INPP5B: variants seen among roughly 807,000 people sequenced by gnomAD.
INPP5B encodes type II inositol 1,4,5-trisphosphate 5-phosphatase.
A neutral mutation model predicts 118.5 loss-of-function variants in INPP5B; 90 were observed. That is an observed-to-expected ratio of 0.76 (90% confidence interval 0.64 to 0.90). The LOEUF (loss-of-function observed/expected upper bound fraction) is 0.90. Among genes scored for constraint, INPP5B ranks in the 40% least tolerant of loss-of-function variants. The pLI, the probability that INPP5B is intolerant of heterozygous loss-of-function variation, is 0.00. For synonymous variants in INPP5B, 385 were observed against 418.9 expected, an observed-to-expected ratio of 0.92 and a Z score of 0.99; for missense variants, 984 against 1,125.6, an observed-to-expected ratio of 0.87 and a Z score of 1.80.
At chr1:37,863,509 A>C (rs1297794728) in intron 23 of INPP5B, among the ~76,000 whole-genome samples, 2 of 150,584 alleles carry the variant, frequency 1.3e-5, no homozygotes, top group East Asian at 4.0e-4. Context: ...GCGAGACTCC[A>C]TCTCTAAAAA....
chr1:37,945,977 A>T (rs1448273982), intron 2 of INPP5B, 127 bp from the exon 3 acceptor site: 1 of 830,966 alleles, frequency 1.2e-6, no homozygotes, highest in Non-Finnish European at 1.9e-6. Context: ...CACTCAAACC[A>T]TGTGCTGAAC....
At chr1:37,885,259 A>G (rs1643455225) in intron 13 of INPP5B, 1 of 158,554 alleles carries the variant, frequency 6.3e-6, no homozygotes, top group African/African-American at 2.4e-5. Context: ...TAAAAAATAC[A>G]AAAAATTAGC....
Position 37,897,063 on chromosome 1 carries a change from T to A in INPP5B, c.533-5609A>T, listed in dbSNP as rs371068944. On this transcript the variant is annotated intron_variant, in intron 7 of 23. Transcript: ENST00000373024. Reference sequence around the variant, plus strand: ...CTGCCCGGCTGCCCCTACTGGGAAGTGAGGAGCCCCTCTGCCCGGCCAGCC... The same window carrying A: ...CTGCCCGGCTGCCCCTACTGGGAAGAGAGGAGCCCCTCTGCCCGGCCAGCC... Among the ~76,000 whole-genome samples the A allele has an allele frequency of 5.1e-4, 72 of 142,030 alleles. No homozygotes were observed. In the East Asian group the frequency reaches 0.015, roughly 29 times the overall value. The allele number at this position is 142,030 out of a possible 152,430, so 93.2% of individuals were successfully genotyped here. A position where few individuals can be genotyped will look rare whatever the true frequency, so the allele number is the denominator to read the frequency against.
At chr1:37,867,723 T>A (rs1642131198) in intron 20 of INPP5B, among the ~76,000 whole-genome samples, 1 of 152,184 alleles carries the variant, frequency 6.6e-6, no homozygotes, top group South Asian at 2.1e-4. Context: ...CTGAAACCTA[T>A]ATAAACAGGT....
intron 16 of INPP5B, among the ~76,000 whole-genome samples, 200 bp from the exon 17 acceptor site, chr1:37,875,916 T>C (rs1642771510): frequency 6.6e-6 from 1 of 152,202 alleles, no homozygotes; most frequent in Non-Finnish European, 1.5e-5. Context: ...GGTACAGGCA[T>C]CTGCTTCCTG....
intron 7 of INPP5B, among the ~76,000 whole-genome samples, chr1:37,899,350 G>C (rs1644243322): frequency 6.6e-6 from 1 of 151,848 alleles, no homozygotes. Flanking sequence ...AATCACCTGA[G>C]GTTGGGAGTT....
At position 37,893,406 on chromosome 1, in the gene INPP5B, C is replaced by T. The variant is rs145292154; in HGVS notation, c.533-1952G>A. Among the ~76,000 whole-genome samples the T allele has an allele frequency of 3.6e-3, 545 of 152,146 alleles. 7 individuals carry two copies. The highest frequency in any genetic ancestry group is 4.1e-3 in the Non-Finnish European group (280 of 67,982). ...AGCCAAATCTCTGTTGCTTATAAACCACTCAGTCTATGGTATTTTGTTATA... is the reference window on the plus strand; with the variant it reads ...AGCCAAATCTCTGTTGCTTATAAACTACTCAGTCTATGGTATTTTGTTATA... On this transcript the variant is annotated intron_variant, in intron 7 of 23. Coordinates refer to ENST00000373024, the MANE Select transcript of INPP5B (RefSeq NM_005540.3).
At chr1:37,906,886 A>G (rs545874485) in intron 7 of INPP5B, among the ~76,000 whole-genome samples, 75 of 151,894 alleles carry the variant, frequency 4.9e-4, no homozygotes, top group Non-Finnish European at 7.2e-4. Context: ...AAGAAAGAAA[A>G]AAAAAACCTA....
At chr1:37,880,900 T>C (rs750658572) in intron 14 of INPP5B, among the ~76,000 whole-genome samples, 2 of 152,126 alleles carry the variant, frequency 1.3e-5, no homozygotes, top group Non-Finnish European at 2.9e-5. Context: ...TATTTAAAAA[T>C]CTTTTAGAGG....
intron 6 of INPP5B, among the ~76,000 whole-genome samples, chr1:37,940,001 G>T (rs1645855275): frequency 1.3e-5 from 2 of 152,092 alleles, no homozygotes; most frequent in South Asian, 2.1e-4. Context: ...GCCCCTGGAG[G>T]CTCAGGCTCC....
rs1487774210 is a variant in INPP5B at position 37,943,624 on chromosome 1, C to T, written c.280+16G>A. 1 of 1,613,830 alleles carries T rather than the reference C, an allele frequency of 6.2e-7. No homozygotes were observed. The highest frequency in any genetic ancestry group is 8.5e-7 in the Non-Finnish European group (1 of 1,179,868). On this transcript the variant is annotated intron_variant, in intron 5 of 23. Coordinates refer to ENST00000373024, the MANE Select transcript of INPP5B (RefSeq NM_005540.3). ...CCCCTGCCCCGAGTGGGACCCAGAC[C>T]AAGAGGACCACTCACCAAGGATGTA...
chr1:37,917,308 T>TCATATATATATATATATA (rs1553159487), intron 7 of INPP5B, among the ~76,000 whole-genome samples: 1 of 92,796 alleles, frequency 1.1e-5, no homozygotes, highest in Non-Finnish European at 2.0e-5. Context: ...AAAAAAATAA[T>TCATATATATATATATATA]TATATATATA....
intron 7 of INPP5B, among the ~76,000 whole-genome samples, chr1:37,925,754 T>A (rs574902565): frequency 3.9e-4 from 60 of 152,192 alleles, no homozygotes; most frequent in African/African-American, 1.4e-3. Context: ...CAAAACAAAC[T>A]GTTTTCAGAA....
chr1:37,917,198 A>G (rs1644895802), intron 7 of INPP5B, among the ~76,000 whole-genome samples: 1 of 146,762 alleles, frequency 6.8e-6, no homozygotes, highest in Non-Finnish European at 1.5e-5. Context: ...CTGAGGCAGG[A>G]GAATTGCTTG....
At chr1:37,937,011 G>C (rs924687208) in intron 6 of INPP5B, among the ~76,000 whole-genome samples, 1 of 151,878 alleles carries the variant, frequency 6.6e-6, no homozygotes, top group South Asian at 2.1e-4. Context: ...TAAGATCGTG[G>C]TAAAGAGTAT....
Position 37,891,357 on chromosome 1 carries a change from C to A in INPP5B, c.629+1G>T, listed in dbSNP as rs1643834984. On this transcript the variant is annotated splice_donor_variant, in intron 8 of 23. Transcript: ENST00000373024. LOFTEE classifies it high-confidence loss of function. The stretch of plus-strand genomic sequence containing the variant: ...GACAAGTGAAGGGAGAGTTGCATTA[C>A]CTTGGTTGCAAGCTTTCTGGTTTAT... The A allele has an allele frequency of 6.2e-7, 1 of 1,611,356 alleles. No individual in the cohort carries two copies. Among genetic ancestry groups the A allele is most frequent in the East Asian group, 2.2e-5 (1 of 44,862 alleles).
At chr1:37,887,695 GT>G (rs1274093772) in intron 10 of INPP5B, among the ~76,000 whole-genome samples, 1 of 152,146 alleles carries the variant, frequency 6.6e-6, no homozygotes, top group African/African-American at 2.4e-5. Context: ...GTAGTTCGAA[GT>G]GTCCCTATTT....
chr1:37,896,965 CCG>C (rs1644126059), intron 7 of INPP5B, among the ~76,000 whole-genome samples: 2 of 122,610 alleles, frequency 1.6e-5, no homozygotes, highest in Non-Finnish European at 3.9e-5. Flanking sequence ...GCCAGCCGCC[CCG>C]TCCGGGAGGG....
chr1:37,878,133 T>C (rs1642955538), intron 16 of INPP5B, 55 bp downstream of exon 16: 9 of 1,588,198 alleles, frequency 5.7e-6, no homozygotes, highest in African/African-American at 2.7e-5. Context: ...ATGGTCTTAG[T>C]TGTGAAAGCC....
Sources: gnomAD v4.1 joint callset for allele counts (sites outside exome capture counted in the v4.1 genomes callset) on GRCh38, gnomAD v4.1.1 for gene constraint, MANE v1.5 for transcripts, NCBI Gene and HGNC (gene_info 2026-07-23, HGNC 2026-07-21) for gene names.